TUBGCP5: variants seen among roughly 807,000 people sequenced by gnomAD.
TUBGCP5 encodes the protein gamma-tubulin complex component 5.
TUBGCP5 carries 98 observed loss-of-function variants against 134.7 expected under a neutral mutation model. The observed-to-expected ratio is 0.73, with a 90% CI of 0.62 to 0.86. The LOEUF is 0.86. Ranked by LOEUF, TUBGCP5 falls within the 40% of genes least tolerant of loss-of-function variation. TUBGCP5 has a pLI of 0.00. For synonymous variants in TUBGCP5, 456 were observed against 431.4 expected (o/e 1.06, Z -0.71); for missense variants, 1,150 against 1,244.8 (o/e 0.92, Z 1.15).
At chr15:23,031,407 C>A (rs1428525898) in intron 5 of TUBGCP5, among the ~76,000 whole-genome samples, 2 of 151,988 alleles carry the variant, frequency 1.3e-5, no homozygotes, top group Admixed American at 6.6e-5. Flanking sequence ...ACCTCCACCT[C>A]CTGTGTTCAA....
chr15:23,024,222 A>C (rs770268770), intron 9 of TUBGCP5, 29 bp from the exon 10 acceptor site: 17 of 1,603,930 alleles, frequency 1.1e-5, no homozygotes, highest in Middle Eastern at 3.3e-4. Context: ...GCAATTATTC[A>C]AAGGTGGTCT....
rs1420066502 is a variant in TUBGCP5, at chr15:23,036,997, T to G, written c.209A>C (p.Glu70Ala). 1 of 1,597,550 alleles carries G rather than the reference T, an allele frequency of 6.3e-7. No individual in the cohort carries two copies. Among genetic ancestry groups the G allele is most frequent in the African/African-American group, 1.4e-5 (1 of 74,044 alleles). ...TAGATCAGAATGAATGACAAATTTT[T>G]CATAAATTCTAAAATATAAGAAAAG... is the stretch of plus-strand genomic sequence containing the variant. ...KIEKTIEGIY[E>A]KFVIHSDLSK... The change falls in exon 3 of 23, where the codon GAA (glutamate) becomes GCA (alanine). Residue 70 changes from glutamate (E) to alanine (A), a missense_variant. Glu to Ala is a moderately radical substitution (Grantham distance 107, BLOSUM62 -1). Transcript: ENST00000615383.
At chr15:22,988,496 G>A (rs2063747055) in intron 23 of TUBGCP5, among the ~76,000 whole-genome samples, 1 of 151,714 alleles carries the variant, frequency 6.6e-6, no homozygotes. Context: ...CACTTTGGGA[G>A]GCCAAGGCGG....
chr15:22,987,150 T>C (rs1267878097), intron 23 of TUBGCP5, among the ~76,000 whole-genome samples: 5 of 151,728 alleles, frequency 3.3e-5, no homozygotes, highest in Non-Finnish European at 7.4e-5. Flanking sequence ...CTGACCAACA[T>C]GGAGAAACCC....
Position 23,030,913 on chromosome 15 carries a change from T to C in TUBGCP5, c.594A>G (p.Arg198=). The change falls in exon 6 of 23, where the codon AGA becomes AGG. Residue 198 remains arginine (R), a synonymous_variant. Transcript: ENST00000615383. The part of the protein sequence containing the change: ...RTPLEEQDQN[R]KLDPCISWKD... ...TCCAACTGATACAAGGATCCAGTTT[T>C]CTGTTTTGATCTTGTTCTTCTAACG... 6.2e-7 allele frequency: 1 copy of C among 1,613,322 alleles called. No individual in the cohort carries two copies. The highest frequency in any genetic ancestry group is 1.3e-5 in the African/African-American group (1 of 74,960).
At chr15:23,037,229 C>A in intron 1 of TUBGCP5, 77 bp from the exon 2 acceptor site, 1 of 1,326,592 alleles carries the variant, frequency 7.5e-7, no homozygotes, top group South Asian at 1.2e-5. Context: ...CCCTCCATAT[C>A]CCCCATATGC....
chr15:23,025,313 C>T lies in TUBGCP5; in HGVS notation c.828-483G>A, dbSNP rs113165082. Among the ~76,000 whole-genome samples, 983 of 152,300 alleles carry T rather than the reference C, an allele frequency of 6.5e-3. 5 individuals carry two copies. The highest frequency in any genetic ancestry group is 0.021 in the African/African-American group (862 of 41,546). On this transcript the variant is annotated intron_variant, in intron 8 of 22. Transcript: ENST00000615383. ...TACCCTAAGACTCAAGATATTTCAA[C>T]ATCATCTTAGAGAAGTCTAAAACAT...
Position 23,026,176 on chromosome 15 carries a change from A to C in TUBGCP5, c.767T>G (p.Leu256Trp), listed in dbSNP as rs766889238. 1 of 1,612,852 alleles carries C rather than the reference A, an allele frequency of 6.2e-7. No homozygotes were observed. Among genetic ancestry groups the C allele is most frequent in the Non-Finnish European group, 8.5e-7 (1 of 1,179,676 alleles). Reference protein sequence around the residue: ...WDQHLYSSDPLYVPDDRVLVT... With the variant: ...WDQHLYSSDPWYVPDDRVLVT... ...CAAAACCCTGTCATCTGGAACATAC[A>C]ATGGATCACTGCTGTACAAGTGTTG... The change falls in exon 8 of 23, where the codon TTG (leucine) becomes TGG (tryptophan). Residue 256 changes from leucine to tryptophan, a missense_variant. By Grantham distance (61) the Leu-to-Trp change is moderately conservative. This residue lies in a region of TUBGCP5 where 453 missense variants were observed against 394.7 expected (regional missense o/e 1.15). Transcript: ENST00000615383.
At chr15:22,998,851 A>C (rs1482543809), downstream of TUBGCP5, among the ~76,000 whole-genome samples, 1 of 152,186 alleles carries the variant, frequency 6.6e-6, no homozygotes, top group Non-Finnish European at 1.5e-5. Flanking sequence ...TCCTGACCTC[A>C]GATGATCCGC....
chr15:23,027,328 A>C, intron 6 of TUBGCP5, 22 bp from the exon 7 acceptor site: 11 of 1,599,300 alleles, frequency 6.9e-6, no homozygotes, highest in Non-Finnish European at 9.4e-6. Flanking sequence ...AAATGTAATC[A>C]GTTTGAGTTA....
Position 23,004,629 on chromosome 15 carries a change from TTTCTCTAA to T in TUBGCP5, c.2713-410_2713-403del, listed in dbSNP as rs1342720729. ...AAGTTCCTTTTCTCATACATTGATC[TTTCTCTAA>T]AATGAGTATAAGTATACCTCAAATA... On this transcript the variant is annotated intron_variant, in intron 19 of 22. Transcript: ENST00000615383. 6.2e-5 allele frequency: 10 copies of T among 161,556 alleles called. No individual in the cohort carries two copies. In the Admixed American group the frequency reaches 6.5e-4, roughly 10 times the overall value. The allele number at this position is 161,556 out of a possible 1,614,324, so 10.0% of individuals were successfully genotyped here. A position where few individuals can be genotyped will look rare whatever the true frequency, so the allele number is the denominator to read the frequency against.
intron 11 of TUBGCP5, among the ~76,000 whole-genome samples, chr15:23,019,808 AAAAAAAG>A (rs1392650947): frequency 6.6e-5 from 10 of 152,026 alleles, no homozygotes; most frequent in South Asian, 2.1e-4. Flanking sequence ...CAAAAAGAAA[AAAAAAAG>A]AAAAAAGAAA....
At position 23,022,163 on chromosome 15, in the gene TUBGCP5, T is replaced by C. The variant is rs929267681; in HGVS notation, c.1169-2A>G. The C allele has an allele frequency of 6.2e-7, 1 of 1,613,784 alleles. No homozygotes were observed. The highest frequency in any genetic ancestry group is 8.5e-7 in the Non-Finnish European group (1 of 1,179,672). On this transcript the variant is annotated splice_acceptor_variant, in intron 10 of 22. Transcript: ENST00000615383. LOFTEE classifies it high-confidence loss of function. ...CTATTGCAAGAGTTATTGTAGTATCTGCAAATATCAATAAATCAAACTCAA... is the reference window on the plus strand; with the variant it reads ...CTATTGCAAGAGTTATTGTAGTATCCGCAAATATCAATAAATCAAACTCAA...
intron 20 of TUBGCP5, among the ~76,000 whole-genome samples, chr15:23,003,609 A>T (rs2064517373): frequency 6.8e-6 from 1 of 146,444 alleles, no homozygotes; most frequent in Non-Finnish European, 1.5e-5. Context: ...TACAATTTCT[A>T]CGAATAGGGC....
At chr15:23,017,676 C>T in intron 13 of TUBGCP5, 97 bp downstream of exon 13, 5 of 1,266,020 alleles carry the variant, frequency 3.9e-6, no homozygotes, top group Non-Finnish European at 5.3e-6. Context: ...GGTTTGATGA[C>T]TTGCAAACTA....
chr15:23,034,726 G>A (rs563185145), intron 3 of TUBGCP5, among the ~76,000 whole-genome samples: 1 of 152,126 alleles, frequency 6.6e-6, no homozygotes, highest in Admixed American at 6.6e-5. Flanking sequence ...GGGCGGGGTG[G>A]TGTACGCTTG....
intron 3 of TUBGCP5, among the ~76,000 whole-genome samples, chr15:23,033,224 T>C (rs1057434833): frequency 6.6e-6 from 1 of 151,706 alleles, no homozygotes; most frequent in Non-Finnish European, 1.5e-5. Flanking sequence ...AGTCCCCTAT[T>C]AATGAAATTT....
At position 23,030,878 on chromosome 15, in the gene TUBGCP5, A is replaced by T. The variant is rs140907802; in HGVS notation, c.622+7T>A. On this transcript the variant is annotated splice_region_variant and intron_variant, in intron 6 of 22. Transcript: ENST00000615383. ...AGAAAATGCGAGCACCTCATAACAC[A>T]TAATACCTTTCCAACTGATACAAGG... 3.1e-6 allele frequency: 5 copies of T among 1,609,820 alleles called. No individual in the cohort carries two copies. Among genetic ancestry groups the T allele is most frequent in the Non-Finnish European group, 4.2e-6 (5 of 1,179,132 alleles).
At chr15:23,017,654 C>A in intron 13 of TUBGCP5, 119 bp downstream of exon 13, 1 of 1,001,856 alleles carries the variant, frequency 1.0e-6, no homozygotes, top group East Asian at 2.7e-5. Flanking sequence ...ATAATTGCCA[C>A]CGAAATAAGA....
Sources: gnomAD v4.1 joint callset for allele counts (sites outside exome capture counted in the v4.1 genomes callset) on GRCh38, gnomAD v4.1.1 for gene constraint, gnomAD v4.1.1 regional missense constraint, MANE v1.5 for transcripts, NCBI Gene and HGNC (gene_info 2026-07-23, HGNC 2026-07-21) for gene names.